Variants in MAEA observed in about 807,000 individuals in gnomAD.
MAEA encodes the protein macrophage erythroblast attacher, E3 ubiquitin ligase, also known as E3 ubiquitin-protein transferase MAEA.
In MAEA, 22 loss-of-function variants were observed where a neutral mutation model predicts 46.2. The ratio of observed to expected loss-of-function variants is 0.48; its 90% confidence interval spans 0.34 to 0.68. The LOEUF is 0.68. Among genes scored for constraint, MAEA ranks in the 30% least tolerant of loss-of-function variants. The probability of loss-of-function intolerance (pLI) is 0.01; values close to 1 mark genes in which losing one functional copy is unlikely to be tolerated. For synonymous variants in MAEA, 246 were observed against 222.6 expected (o/e 1.11, Z -0.94); for missense variants, 393 against 558.1 (o/e 0.70, Z 2.98).
intron 1 of MAEA, among the ~76,000 whole-genome samples, chr4:1,290,388 C>T (rs1440753173): frequency 6.6e-6 from 1 of 152,164 alleles, no homozygotes; most frequent in Non-Finnish European, 1.5e-5. Flanking sequence ...CTGGGAGGTG[C>T]CGGCTGCGCC....
chr4:1,325,044 C>G lies in MAEA; in HGVS notation c.579+2541C>G, dbSNP rs370035227. ...GACTCCAAATGACACGAAAACATGC[C>G]CGGTACGAGATGCGGCCGAGCCAGT... On this transcript the variant is annotated intron_variant, in intron 4 of 8. Transcript: ENST00000303400. Among the ~76,000 whole-genome samples the G allele has an allele frequency of 1.8e-3, 277 of 152,236 alleles. 6 individuals carry two copies. In the South Asian group the frequency reaches 0.054, roughly 30 times the overall value.
At chr4:1,330,290 G>C (rs1339788794) in intron 5 of MAEA, 1 of 194,110 alleles carries the variant, frequency 5.2e-6, no homozygotes, top group Non-Finnish European at 7.7e-6. Context: ...CACAGTTTAG[G>C]AATTTTGTCT....
intron 1 of MAEA, among the ~76,000 whole-genome samples, chr4:1,310,826 C>CG (rs1360542774): frequency 1.3e-5 from 2 of 152,244 alleles, no homozygotes; most frequent in Middle Eastern, 3.4e-3. Context: ...CCCCTGCTTT[C>CG]GGGGGGAAAG....
Position 1,332,638 on chromosome 4 carries a change from A to C in MAEA, c.657-119A>C, listed in dbSNP as rs1711993020. ...AAGATCGCCTGAGCCTGAGAGTTCG[A>C]GGCTACAGTGAGCTGTGACTGTGCC... On this transcript the variant is annotated intron_variant, in intron 5 of 8. Transcript: ENST00000303400. 1.2e-5 allele frequency: 8 copies of C among 694,340 alleles called. No homozygotes were observed. In the Admixed American group the frequency reaches 2.0e-4, roughly 17 times the overall value. 43.0% of individuals were successfully genotyped at this position (694,340 alleles called of 1,614,324 possible).
At chr4:1,329,981 C>G (rs1023810162) in intron 5 of MAEA, 4 of 985,466 alleles carry the variant, frequency 4.1e-6, no homozygotes, top group South Asian at 4.7e-5. Context: ...AGCCTAGCCT[C>G]TGGGTCCACT....
In MAEA at chr4:1,307,221, C is replaced by A. The variant is rs1001993353; in HGVS notation, c.70-4758C>A. On this transcript the variant is annotated intron_variant, in intron 1 of 8. Transcript: ENST00000303400. The stretch of plus-strand genomic sequence containing the variant: ...ACTTTATCCATTTATAGCGTAGACA[C>A]CGTTCCGTAAGCACACAGTACAGTC... 3.3e-5 allele frequency among the ~76,000 whole-genome samples: 5 copies of A among 152,320 alleles called. No homozygotes were observed. In the East Asian group the frequency reaches 5.8e-4, roughly 18 times the overall value.
chr4:1,322,943 C>CCTTTTTTTTTT, intron 4 of MAEA, among the ~76,000 whole-genome samples: 1 of 75,246 alleles, frequency 1.3e-5, no homozygotes, highest in Non-Finnish European at 2.4e-5. Context: ...TGAATACCCA[C>CCTTTTTTTTTT]TTTTTTTTTT....
At chr4:1,329,019 G>A in intron 5 of MAEA, 1 of 986,162 alleles carries the variant, frequency 1.0e-6, no homozygotes, top group African/African-American at 1.7e-5. Context: ...CGGTGCCTGT[G>A]TCGCTGGCCT....
chr4:1,326,434 C>A (rs548360682), intron 4 of MAEA, among the ~76,000 whole-genome samples: 1 of 152,208 alleles, frequency 6.6e-6, no homozygotes, highest in South Asian at 2.1e-4. Context: ...ATGTCACTTC[C>A]GTAGAATCCG....
intron 3 of MAEA, among the ~76,000 whole-genome samples, chr4:1,321,335 G>A (rs28515563): frequency 0.14 from 21,149 of 151,988 alleles, 1,739 homozygotes; most frequent in African/African-American, 0.22. Context: ...GCAAGAAAAC[G>A]CTATGAAGGG....
chr4:1,289,953 CT>C lies in MAEA; in HGVS notation c.41del (p.Leu14ArgfsTer16). Reference sequence around the variant, plus strand: ...GTCGGCGGCTCAGTTGTCCATGACCCTGAAGGTCCAGGAGTACCCGACCCTC... The same window carrying C: ...GTCGGCGGCTCAGTTGTCCATGACCCGAAGGTCCAGGAGTACCCGACCCTC... ...QESAAQLSMT[L>X]KVQEYPTLKV... On this transcript the variant is annotated frameshift_variant, in exon 1 of 9. Coordinates refer to ENST00000303400, the MANE Select transcript of MAEA (RefSeq NM_001017405.3). LOFTEE classifies it high-confidence loss of function. 2 of 1,601,668 alleles carry C rather than the reference CT, an allele frequency of 1.2e-6. No individual in the cohort carries two copies. The highest frequency in any genetic ancestry group is 2.3e-5 in the East Asian group (1 of 44,132).
In MAEA at chr4:1,311,586, C is replaced by G. The variant is rs565956184; in HGVS notation, c.70-393C>G. 6.6e-6 allele frequency among the ~76,000 whole-genome samples: 1 copy of G among 152,136 alleles called. No homozygotes were observed. The highest frequency in any genetic ancestry group is 2.1e-4 in the South Asian group (1 of 4,826). On this transcript the variant is annotated intron_variant, in intron 1 of 8. Coordinates refer to ENST00000303400, the MANE Select transcript of MAEA (RefSeq NM_001017405.3). The surrounding 1 kb of genome is among the most constrained non-coding windows in gnomAD (Gnocchi z 4.4). ...TGCCCGGCCTGGCCTCGTGTGGTGGCGCCTGCAGCCGCAGCAGCCTGGCTG... is the reference window on the plus strand; with the variant it reads ...TGCCCGGCCTGGCCTCGTGTGGTGGGGCCTGCAGCCGCAGCAGCCTGGCTG...
chr4:1,290,367 G>A (rs913451397), intron 1 of MAEA, among the ~76,000 whole-genome samples: 86 of 152,192 alleles, frequency 5.7e-4, no homozygotes, highest in African/African-American at 2.1e-3. Context: ...CGCCCTCCCG[G>A]GAGCCCAGGG....
rs1482384994 is a variant in MAEA, at chr4:1,310,332, T to G, written c.70-1647T>G. On this transcript the variant is annotated intron_variant, in intron 1 of 8. Coordinates refer to ENST00000303400, the MANE Select transcript of MAEA (RefSeq NM_001017405.3). ...CTGTCTGCTGTGACTTCCCATCCAC[T>G]AGATGTAGAGCAGACGAAAAGAATC... 3.3e-5 allele frequency among the ~76,000 whole-genome samples: 5 copies of G among 152,090 alleles called. No individual in the cohort carries two copies. The East Asian group carries it at 9.7e-4, about 29-fold the overall frequency.
intron 4 of MAEA, 109 bp downstream of exon 4, chr4:1,322,612 T>A: frequency 6.8e-7 from 1 of 1,459,866 alleles, no homozygotes; most frequent in South Asian, 1.3e-5. Context: ...TTGGTTTTGG[T>A]TTGTAAGGTG....
Position 1,311,429 on chromosome 4 carries a change from C to T in MAEA, c.70-550C>T, listed in dbSNP as rs923895941. 3.3e-5 allele frequency among the ~76,000 whole-genome samples: 5 copies of T among 152,350 alleles called. No homozygotes were observed. The highest frequency in any genetic ancestry group is 3.4e-3 in the Middle Eastern group (1 of 294). On this transcript the variant is annotated intron_variant, in intron 1 of 8. Coordinates refer to ENST00000303400, the MANE Select transcript of MAEA (RefSeq NM_001017405.3). This position sits in a 1 kb window ranked among gnomAD's most constrained non-coding sequence, Gnocchi z 4.4. ...TTCCACAGGGAATGGATGGTTCTTA[C>T]GACTGGGGAAGGCAAACGCTGTCAC...
chr4:1,302,640 C>T (rs537336292), intron 1 of MAEA, among the ~76,000 whole-genome samples: 7 of 152,214 alleles, frequency 4.6e-5, no homozygotes, highest in South Asian at 2.1e-4. Context: ...CCACCATGCC[C>T]GGCTAATTTT....
intron 3 of MAEA, among the ~76,000 whole-genome samples, chr4:1,320,715 A>G (rs1442953638): frequency 1.3e-5 from 2 of 152,168 alleles, no homozygotes; most frequent in Non-Finnish European, 2.9e-5. Context: ...ACATGCAAGA[A>G]GACGCTATGA....
chr4:1,298,330 G>A (rs1304186583), intron 1 of MAEA, among the ~76,000 whole-genome samples: 1 of 152,032 alleles, frequency 6.6e-6, no homozygotes, highest in Non-Finnish European at 1.5e-5. Context: ...AGAGGCATGT[G>A]CCGTCTTCTG....
Sources: allele counts gnomAD v4.1 joint callset (sites outside exome capture counted in the v4.1 genomes callset), GRCh38; gene constraint gnomAD v4.1.1; non-coding constraint Gnocchi (gnomAD v3.1); transcripts MANE v1.5; gene names NCBI Gene and HGNC (gene_info 2026-07-23, HGNC 2026-07-21).